Variants in ADGRB3 observed in about 807,000 individuals in gnomAD.
The protein encoded by ADGRB3 is brain-specific angiogenesis inhibitor 3.
ADGRB3 carries 37 observed loss-of-function variants against 193.4 expected under a neutral mutation model. That is an observed-to-expected ratio of 0.19 (90% CI 0.15 to 0.25). ADGRB3 has a LOEUF of 0.25. ADGRB3 is among the 10% of genes least tolerant of loss of function. ADGRB3 has a pLI of 1.00. For synonymous variants in ADGRB3, 690 were observed against 644.2 expected (o/e 1.07, Z -1.08); for missense variants, 1,637 against 1,852.9 (o/e 0.88, Z 2.14).
intron 24 of ADGRB3, among the ~76,000 whole-genome samples, chr6:69,334,649 T>G (rs951809888): frequency 6.6e-6 from 1 of 152,226 alleles, no homozygotes; most frequent in African/African-American, 2.4e-5. Flanking sequence ...GAAGTAAGCT[T>G]CTTCAGTTAT....
intron 3 of ADGRB3, among the ~76,000 whole-genome samples, chr6:68,782,317 G>T (rs549033967): frequency 7.5e-4 from 114 of 151,678 alleles, no homozygotes; most frequent in African/African-American, 2.3e-3. Flanking sequence ...ATTTTTTATG[G>T]CTGCATAGTA....
At chr6:68,816,294 T>A (rs993191425) in intron 3 of ADGRB3, among the ~76,000 whole-genome samples, 1 of 152,038 alleles carries the variant, frequency 6.6e-6, no homozygotes, top group Non-Finnish European at 1.5e-5. Flanking sequence ...CATTATTTAT[T>A]ATCATGAAAA....
At chr6:68,928,835 A>G (rs1767256111) in intron 3 of ADGRB3, among the ~76,000 whole-genome samples, 1 of 152,188 alleles carries the variant, frequency 6.6e-6, no homozygotes, top group African/African-American at 2.4e-5. Context: ...CCGCAACTTA[A>G]AATACAAATT....
intron 3 of ADGRB3, among the ~76,000 whole-genome samples, chr6:68,788,494 G>C (rs190721192): frequency 2.0e-5 from 3 of 152,076 alleles, no homozygotes; most frequent in Admixed American, 1.3e-4. Flanking sequence ...CTGAGTTCTA[G>C]TTTGATTGCA....
At chr6:68,919,428 G>C (rs1766976940) in intron 3 of ADGRB3, among the ~76,000 whole-genome samples, 1 of 152,150 alleles carries the variant, frequency 6.6e-6, no homozygotes, top group Non-Finnish European at 1.5e-5. Flanking sequence ...GAGGCACTTA[G>C]TGTAGGTGGC....
intron 3 of ADGRB3, among the ~76,000 whole-genome samples, chr6:68,807,391 A>T (rs1582217676): frequency 6.7e-6 from 1 of 149,340 alleles, no homozygotes; most frequent in Admixed American, 6.6e-5. Flanking sequence ...GGCGCCCCCC[A>T]CCTTGCCCGG....
chr6:69,193,526 C>T (rs1765238894), intron 17 of ADGRB3, among the ~76,000 whole-genome samples: 1 of 152,050 alleles, frequency 6.6e-6, no homozygotes, highest in African/African-American at 2.4e-5. Context: ...AAGCTAAAGA[C>T]ATCAAGATTC....
At chr6:68,676,405 A>AG (rs1285312529) in intron 3 of ADGRB3, among the ~76,000 whole-genome samples, 11 of 151,502 alleles carry the variant, frequency 7.3e-5, no homozygotes, top group Admixed American at 2.6e-4. Flanking sequence ...AAAAAAAAAA[A>AG]AAAAAAGAAA....
Position 68,664,971 on chromosome 6 carries a change from G to C in ADGRB3, c.757+25539G>C, listed in dbSNP as rs1258809608. Among the ~76,000 whole-genome samples, 3 of 151,880 alleles carry C rather than the reference G, an allele frequency of 2.0e-5. No individual in the cohort carries two copies. In the East Asian group the frequency reaches 5.9e-4, roughly 30 times the overall value. ...TCTTTGGGTGGGAGCTCATCTCTCAGTTTTTGGTGTTCATGTACTGTGTAT... is the reference window on the plus strand; with the variant it reads ...TCTTTGGGTGGGAGCTCATCTCTCACTTTTTGGTGTTCATGTACTGTGTAT... On this transcript the variant is annotated intron_variant, in intron 3 of 31. Coordinates refer to ENST00000370598, the MANE Select transcript of ADGRB3 (RefSeq NM_001704.3).
Position 69,360,853 on chromosome 6 carries a change from A to C in ADGRB3, c.3596-16A>C. On this transcript the variant is annotated splice_polypyrimidine_tract_variant and intron_variant, in intron 28 of 31. Transcript: ENST00000370598. ...ACATTAACTCTCTTTCTTCAACTTT[A>C]CATTCCTACTCACAGTTCTTCATAA... The C allele has an allele frequency of 6.4e-7, 1 of 1,557,736 alleles. No individual in the cohort carries two copies. Among genetic ancestry groups the C allele is most frequent in the Non-Finnish European group, 8.7e-7 (1 of 1,154,796 alleles).
At chr6:68,847,710 T>C (rs1360470374) in intron 3 of ADGRB3, among the ~76,000 whole-genome samples, 5 of 152,170 alleles carry the variant, frequency 3.3e-5, no homozygotes. Flanking sequence ...GGTATGTCTT[T>C]ATCAGCGGCA....
Position 69,282,798 on chromosome 6 carries a change from T to C in ADGRB3, c.2815-42074T>C, listed in dbSNP as rs1767464213. On this transcript the variant is annotated intron_variant, in intron 20 of 31. Coordinates refer to ENST00000370598, the MANE Select transcript of ADGRB3 (RefSeq NM_001704.3). ...ATCACTAGGTACCATGTAAGAATTA[T>C]AACAAATGAGCATAGAATAATTTCT... 2.0e-5 allele frequency among the ~76,000 whole-genome samples: 3 copies of C among 152,176 alleles called. No homozygotes were observed. In the East Asian group the frequency reaches 5.8e-4, roughly 29 times the overall value.
intron 17 of ADGRB3, among the ~76,000 whole-genome samples, chr6:69,217,276 CAG>C (rs927772319): frequency 2.0e-5 from 3 of 152,058 alleles, no homozygotes; most frequent in Admixed American, 6.6e-5. Context: ...CACCAAGAAG[CAG>C]AGAGTTCTTA....
intron 11 of ADGRB3, among the ~76,000 whole-genome samples, chr6:68,999,758 G>T (rs1171501256): frequency 1.3e-5 from 2 of 152,014 alleles, no homozygotes; most frequent in Admixed American, 6.5e-5. Flanking sequence ...TTGTTGCTAG[G>T]TCTGCCTTCA....
At chr6:68,885,791 A>G (rs1170415586) in intron 3 of ADGRB3, among the ~76,000 whole-genome samples, 1 of 152,184 alleles carries the variant, frequency 6.6e-6, no homozygotes, top group Non-Finnish European at 1.5e-5. Context: ...GGGAAATACT[A>G]GGATAAAATT....
intron 16 of ADGRB3, among the ~76,000 whole-genome samples, chr6:69,067,913 G>A (rs1001402259): frequency 6.6e-6 from 1 of 152,058 alleles, no homozygotes; most frequent in African/African-American, 2.4e-5. Context: ...TAGTATGATT[G>A]TGCTATTGTT....
At chr6:68,970,684 A>G (rs772914575) in intron 8 of ADGRB3, among the ~76,000 whole-genome samples, 3 of 152,204 alleles carry the variant, frequency 2.0e-5, no homozygotes, top group Non-Finnish European at 4.4e-5. Context: ...GCCTAGCTCT[A>G]GCACATATTA....
chr6:69,383,458 T>G (rs1769994067), intron 31 of ADGRB3, among the ~76,000 whole-genome samples: 2 of 152,014 alleles, frequency 1.3e-5, no homozygotes, highest in African/African-American at 4.8e-5. Context: ...TCATTTACAT[T>G]ATTATAATCT....
At chr6:68,661,756 G>A (rs1768667887) in intron 3 of ADGRB3, among the ~76,000 whole-genome samples, 1 of 150,706 alleles carries the variant, frequency 6.6e-6, no homozygotes. Context: ...GAGGGAGACA[G>A]GCAAATAGTT....
Sources: gnomAD v4.1 joint callset for allele counts (sites outside exome capture counted in the v4.1 genomes callset) on GRCh38, gnomAD v4.1.1 for gene constraint, MANE v1.5 for transcripts, NCBI Gene and HGNC (gene_info 2026-07-23, HGNC 2026-07-21) for gene names.